ERVH48-1: variants seen among roughly 807,000 people sequenced by gnomAD.
ERVH48-1 encodes suppressyn.
A neutral mutation model predicts 2.4 loss-of-function variants in ERVH48-1; 4 were observed. The observed-to-expected ratio is 1.68, with a 90% CI of 0.83 to 3.84. The LOEUF is 3.84. Ranked by LOEUF, ERVH48-1 falls within the 30% of genes most tolerant of loss-of-function variation. ERVH48-1 has a pLI of 0.01. For synonymous variants in ERVH48-1, 32 were observed against 15.5 expected (o/e 2.06, Z -2.49); for missense variants, 97 against 43.4 (o/e 2.23, Z -3.47).
intron 1 of ERVH48-1, among the ~76,000 whole-genome samples, chr21:42,922,739 C>CAA (rs35066156): frequency 4.1e-4 from 20 of 48,196 alleles, no homozygotes; most frequent in South Asian, 7.8e-4. Flanking sequence ...GACTCCGTCT[C>CAA]AAAAAAAAAA....
intron 1 of ERVH48-1, among the ~76,000 whole-genome samples, chr21:42,920,454 G>C (rs142569123): frequency 1.3e-5 from 2 of 152,296 alleles, no homozygotes; most frequent in Non-Finnish European, 2.9e-5. Context: ...TTGCTGATGA[G>C]AGCATTCATG....
intron 1 of ERVH48-1, among the ~76,000 whole-genome samples, chr21:42,925,003 T>C (rs535219118): frequency 8.1e-4 from 122 of 151,204 alleles, no homozygotes; most frequent in African/African-American, 2.8e-3. Context: ...TAGAGTGCAG[T>C]GGCGCGATCT....
intron 1 of ERVH48-1, among the ~76,000 whole-genome samples, chr21:42,923,140 G>A (rs2058811644): frequency 6.6e-6 from 1 of 152,198 alleles, no homozygotes; most frequent in Admixed American, 6.5e-5. Context: ...TGCAGAGGGG[G>A]CACGGCCTGG....
chr21:42,925,511 C>T lies in ERVH48-1; in HGVS notation c.-451G>A, dbSNP rs2058818242. 1 of 313,812 alleles carries T rather than the reference C, an allele frequency of 3.2e-6. No homozygotes were observed. The highest frequency in any genetic ancestry group is 2.3e-5 in the African/African-American group (1 of 44,264). The allele number at this position is 313,812 out of a possible 1,614,324, so 19.4% of individuals were successfully genotyped here. A position where few individuals can be genotyped will look rare whatever the true frequency, so the allele number is the denominator to read the frequency against. On this transcript the variant is annotated 5_prime_UTR_variant, in exon 1 of 2. Transcript: ENST00000447535. ...GCAGGTTTCAGGGCCAGCCCCAAGG[C>T]TCTTGCATTGGTTGGAACCCGGAGA...
chr21:42,925,205 A>C, intron 1 of ERVH48-1, 141 bp downstream of exon 1: 1 of 217,996 alleles, frequency 4.6e-6, no homozygotes, highest in Non-Finnish European at 9.1e-6. Flanking sequence ...TTGGCCTCCC[A>C]AAGTGCTGGG....
chr21:42,925,049 G>A (rs1371619549), intron 1 of ERVH48-1, among the ~76,000 whole-genome samples: 4 of 151,710 alleles, frequency 2.6e-5, no homozygotes, highest in East Asian at 1.9e-4. Flanking sequence ...GGGTTCAAGC[G>A]ATCCTCCTGC....
intron 1 of ERVH48-1, among the ~76,000 whole-genome samples, chr21:42,924,443 G>A (rs901835078): frequency 6.6e-6 from 1 of 152,140 alleles, no homozygotes; most frequent in African/African-American, 2.4e-5. Flanking sequence ...GGCGATCAGG[G>A]CGGCGAGAAT....
intron 1 of ERVH48-1, among the ~76,000 whole-genome samples, chr21:42,919,526 G>A (rs781123835): frequency 1.3e-5 from 2 of 152,186 alleles, no homozygotes; most frequent in African/African-American, 2.4e-5. Flanking sequence ...TCATGAGGGC[G>A]AAAGGGAGAC....
At chr21:42,919,927 T>G (rs985852371) in intron 1 of ERVH48-1, among the ~76,000 whole-genome samples, 1 of 152,084 alleles carries the variant, frequency 6.6e-6, no homozygotes, top group Non-Finnish European at 1.5e-5. Context: ...TGCCCTGGGC[T>G]TGGTGGGTAG....
chr21:42,923,941 C>G (rs558017911), intron 1 of ERVH48-1, among the ~76,000 whole-genome samples: 124 of 152,230 alleles, frequency 8.1e-4, no homozygotes, highest in African/African-American at 2.8e-3. Flanking sequence ...AATTCAAGAG[C>G]GATCAGTGAG....
rs2058797796 is a variant in ERVH48-1, at chr21:42,919,076, T to C, written c.-70A>G. ...AAAAAAATGTTGGTTAATTTAAACTTGGTAGGAGAAATTGGCCCAGACAAA... is the reference window on the plus strand; with the variant it reads ...AAAAAAATGTTGGTTAATTTAAACTCGGTAGGAGAAATTGGCCCAGACAAA... On this transcript the variant is annotated 5_prime_UTR_variant, in exon 2 of 2. Coordinates refer to ENST00000447535, the MANE Select transcript of ERVH48-1 (RefSeq NM_001308491.2). 4 of 1,207,732 alleles carry C rather than the reference T, an allele frequency of 3.3e-6. No homozygotes were observed. Among genetic ancestry groups the C allele is most frequent in the Middle Eastern group, 2.6e-4 (1 of 3,838 alleles). The allele number at this position is 1,207,732 out of a possible 1,614,324, so 74.8% of individuals were successfully genotyped here. A position where few individuals can be genotyped will look rare whatever the true frequency, so the allele number is the denominator to read the frequency against.
At chr21:42,922,045 TG>T (rs2058807485) in intron 1 of ERVH48-1, among the ~76,000 whole-genome samples, 1 of 151,994 alleles carries the variant, frequency 6.6e-6, no homozygotes, top group Non-Finnish European at 1.5e-5. Flanking sequence ...CAGGTAGAAT[TG>T]GTGTGTTTAA....
At chr21:42,924,388 T>A (rs531453222) in intron 1 of ERVH48-1, among the ~76,000 whole-genome samples, 1 of 152,010 alleles carries the variant, frequency 6.6e-6, no homozygotes, top group South Asian at 2.1e-4. Flanking sequence ...GGACAGCAGT[T>A]GGCTGGATCC....
intron 1 of ERVH48-1, among the ~76,000 whole-genome samples, chr21:42,924,445 G>A (rs2058815191): frequency 6.6e-6 from 1 of 152,112 alleles, no homozygotes; most frequent in Admixed American, 6.5e-5. Flanking sequence ...CGATCAGGGC[G>A]GCGAGAATGG....
rs1401569878 is a variant in ERVH48-1, at chr21:42,918,871, C to T, written c.136G>A (p.Glu46Lys). The stretch of plus-strand genomic sequence containing the variant: ...CTGTAGTGCAAAGACTGATAACACT[C>T]ACGGCAGCTCGGAGGGGCTGCTGTG... ...LSTAAPPSCR[E>K]CYQSLHYRGE... is the part of the protein sequence containing the mutation. Residue 46 changes from glutamate to lysine, a missense_variant, in exon 2 of 2, where the codon GAG becomes AAG. Coordinates refer to ENST00000447535, the MANE Select transcript of ERVH48-1 (RefSeq NM_001308491.2). The T allele has an allele frequency of 8.7e-6, 4 of 459,620 alleles. No homozygotes were observed. The East Asian group carries it at 2.1e-4, about 24-fold the overall frequency. The allele number at this position is 459,620 out of a possible 1,614,324, so 28.5% of individuals were successfully genotyped here.
rs553459185 is a variant in ERVH48-1, at chr21:42,919,356, C to T, written c.-285-65G>A. 6 of 190,956 alleles carry T rather than the reference C, an allele frequency of 3.1e-5. No homozygotes were observed. The East Asian group carries it at 6.3e-4, about 20-fold the overall frequency. The allele number at this position is 190,956 out of a possible 1,614,324, so 11.8% of individuals were successfully genotyped here. ...CGGCAGGGAGAGGCATGGCCTCACT[C>T]ACTGCTTCACGAGTGAAAGACCGTG... On this transcript the variant is annotated intron_variant, in intron 1 of 1. Coordinates refer to ENST00000447535, the MANE Select transcript of ERVH48-1 (RefSeq NM_001308491.2).
At chr21:42,924,041 G>A (rs187134500) in intron 1 of ERVH48-1, among the ~76,000 whole-genome samples, 1 of 152,306 alleles carries the variant, frequency 6.6e-6, no homozygotes, top group East Asian at 1.9e-4. Flanking sequence ...GTAAGGGTGG[G>A]GCATGGGCCA....
At position 42,918,461 on chromosome 21, in the gene ERVH48-1, GC is replaced by G. The variant is rs1396912523; in HGVS notation, c.*62del. 4.6e-5 allele frequency: 19 copies of G among 411,990 alleles called. No individual in the cohort carries two copies. Among genetic ancestry groups the G allele is most frequent in the Non-Finnish European group, 8.2e-5 (17 of 206,242 alleles). The allele number at this position is 411,990 out of a possible 1,614,324, so 25.5% of individuals were successfully genotyped here. A position where few individuals can be genotyped will look rare whatever the true frequency, so the allele number is the denominator to read the frequency against. On this transcript the variant is annotated 3_prime_UTR_variant, in exon 2 of 2. Transcript: ENST00000447535. ...CAACAATTGGACACATTCATGGTAA[GC>G]ACAATGGTTCTCCTAGATCTACAAA...
Position 42,918,323 on chromosome 21 carries a change from G to A in ERVH48-1, c.*201C>T, listed in dbSNP as rs993111207. 3 of 356,154 alleles carry A rather than the reference G, an allele frequency of 8.4e-6. No individual in the cohort carries two copies. Among genetic ancestry groups the A allele is most frequent in the East Asian group, 7.4e-5 (1 of 13,590 alleles). 22.1% of individuals were successfully genotyped at this position (356,154 alleles called of 1,614,324 possible). A position where few individuals can be genotyped will look rare whatever the true frequency, so the allele number is the denominator to read the frequency against. On this transcript the variant is annotated 3_prime_UTR_variant, in exon 2 of 2. Coordinates refer to ENST00000447535, the MANE Select transcript of ERVH48-1 (RefSeq NM_001308491.2). ...TGGGTTGGTAAGTGTCCAGGACTGC[G>A]GGCATTCCTGAGGAGTGAAAGTGAG...
Sources: allele counts gnomAD v4.1 joint callset (sites outside exome capture counted in the v4.1 genomes callset), GRCh38; gene constraint gnomAD v4.1.1; transcripts MANE v1.5; gene names NCBI Gene and HGNC (gene_info 2026-07-23, HGNC 2026-07-21).